NDST4: variants seen among roughly 807,000 people sequenced by gnomAD.
NDST4 encodes the protein N-heparan sulfate sulfotransferase 4.
A neutral mutation model predicts 100.8 loss-of-function variants in NDST4; 63 were observed. That is an observed-to-expected ratio of 0.62 (90% CI 0.51 to 0.77). The LOEUF (loss-of-function observed/expected upper bound fraction) is 0.77. NDST4 is among the 30% of genes least tolerant of loss of function. The pLI is 0.00. For missense variants in NDST4, 943 were observed against 1,018.4 expected, an observed-to-expected ratio of 0.93 and a Z score of 1.01; for synonymous variants, 377 against 361.8, an observed-to-expected ratio of 1.04 and a Z score of -0.48.
chr4:114,834,342 T>C (rs570146366), intron 11 of NDST4, among the ~76,000 whole-genome samples: 1 of 151,932 alleles, frequency 6.6e-6, no homozygotes, highest in African/African-American at 2.4e-5. Flanking sequence ...GGTGAAACCC[T>C]GTCTCTACTA....
intron 6 of NDST4, among the ~76,000 whole-genome samples, chr4:114,886,988 G>A (rs530987592): frequency 6.6e-6 from 1 of 152,162 alleles, no homozygotes; most frequent in Admixed American, 6.5e-5. Flanking sequence ...GAATTATCTA[G>A]CAGATATACC....
At chr4:114,974,676 A>T (rs1043891176) in intron 3 of NDST4, among the ~76,000 whole-genome samples, 1 of 152,164 alleles carries the variant, frequency 6.6e-6, no homozygotes, top group East Asian at 1.9e-4. Context: ...TTCCCATTTA[A>T]CCTGCACTAC....
chr4:114,988,492 G>C (rs1258701981), intron 2 of NDST4, among the ~76,000 whole-genome samples: 1 of 150,806 alleles, frequency 6.6e-6, no homozygotes, highest in Non-Finnish European at 1.5e-5. Context: ...CTCCCAAGTA[G>C]CTGGGACTAC....
chr4:114,889,111 T>A (rs75121635), intron 6 of NDST4, among the ~76,000 whole-genome samples: 1 of 152,164 alleles, frequency 6.6e-6, no homozygotes, highest in Non-Finnish European at 1.5e-5. Context: ...TATACACATA[T>A]GTATTTCCAA....
chr4:115,002,301 T>C (rs1673294369), intron 2 of NDST4, among the ~76,000 whole-genome samples: 1 of 152,200 alleles, frequency 6.6e-6, no homozygotes, highest in African/African-American at 2.4e-5. Context: ...ATGTCTTCTT[T>C]TGAGAATTGT....
At chr4:114,948,279 C>T (rs965459721) in intron 4 of NDST4, among the ~76,000 whole-genome samples, 1 of 151,360 alleles carries the variant, frequency 6.6e-6, no homozygotes. Flanking sequence ...TTCCCTCCCC[C>T]ACCCCCCAAA....
chr4:114,951,825 A>T (rs1214730635), intron 4 of NDST4, among the ~76,000 whole-genome samples: 1 of 152,128 alleles, frequency 6.6e-6, no homozygotes, highest in Non-Finnish European at 1.5e-5. Flanking sequence ...TCACACAGGG[A>T]GGAGCCTTTA....
intron 4 of NDST4, among the ~76,000 whole-genome samples, chr4:114,941,343 C>A (rs1055847966): frequency 1.6e-4 from 25 of 151,956 alleles, no homozygotes; most frequent in African/African-American, 6.0e-4. Flanking sequence ...CCCCTCCCCT[C>A]CCCTCCCCAA....
At chr4:114,927,389 G>T (rs1163515220) in intron 6 of NDST4, among the ~76,000 whole-genome samples, 1 of 151,754 alleles carries the variant, frequency 6.6e-6, no homozygotes, top group Non-Finnish European at 1.5e-5. Flanking sequence ...TCAACAACAG[G>T]GAACTTAATA....
At chr4:114,831,734 C>G (rs1442500993) in intron 12 of NDST4, among the ~76,000 whole-genome samples, 2 of 152,168 alleles carry the variant, frequency 1.3e-5, no homozygotes, top group Non-Finnish European at 2.9e-5. Flanking sequence ...ATAGGGTTGT[C>G]ATAACCTTGA....
intron 8 of NDST4, 95 bp downstream of exon 8, chr4:114,852,630 C>T: frequency 2.9e-6 from 2 of 679,146 alleles, no homozygotes; most frequent in Non-Finnish European, 4.9e-6. Context: ...CTAAATATTT[C>T]ACAAAGAAAA....
intron 4 of NDST4, among the ~76,000 whole-genome samples, chr4:114,956,984 T>A (rs1199393828): frequency 6.6e-6 from 1 of 152,064 alleles, no homozygotes; most frequent in African/African-American, 2.4e-5. Context: ...GTGCCAGACA[T>A]AGAAGACAAA....
chr4:115,011,429 AC>A (rs1457081325), intron 2 of NDST4, among the ~76,000 whole-genome samples: 4 of 151,550 alleles, frequency 2.6e-5, no homozygotes, highest in African/African-American at 9.7e-5. Flanking sequence ...TTCTACTTTT[AC>A]AATGGAGTTT....
intron 2 of NDST4, among the ~76,000 whole-genome samples, chr4:115,006,166 C>T (rs970506201): frequency 1.3e-5 from 2 of 150,382 alleles, no homozygotes; most frequent in Admixed American, 6.6e-5. Flanking sequence ...AAAGACAACA[C>T]AAAACATACA....
intron 2 of NDST4, among the ~76,000 whole-genome samples, chr4:115,064,080 C>A (rs1036918796): frequency 6.6e-6 from 1 of 151,830 alleles, no homozygotes; most frequent in Admixed American, 6.6e-5. Context: ...TAGGCAATGT[C>A]CAATTTTTAA....
At chr4:114,867,665 C>CAAAAAAAAAAAAAA in intron 7 of NDST4, among the ~76,000 whole-genome samples, 17 of 79,884 alleles carry the variant, frequency 2.1e-4, no homozygotes, top group East Asian at 4.0e-4. Context: ...AAAAAAAAAG[C>CAAAAAAAAAAAAAA]AAAAAAAAAA....
intron 2 of NDST4, among the ~76,000 whole-genome samples, chr4:114,981,447 C>G (rs974431748): frequency 1.3e-5 from 2 of 152,106 alleles, no homozygotes; most frequent in Non-Finnish European, 2.9e-5. Flanking sequence ...ATAATGCCTA[C>G]AAATGTGCAC....
intron 1 of NDST4, among the ~76,000 whole-genome samples, chr4:115,095,688 A>T (rs1186192172): frequency 1.3e-5 from 2 of 152,144 alleles, no homozygotes; most frequent in Non-Finnish European, 2.9e-5. Flanking sequence ...CATGCTTTTA[A>T]AAAAGTACTC....
At chr4:114,843,180 C>T (rs900609329) in intron 10 of NDST4, among the ~76,000 whole-genome samples, 3 of 152,104 alleles carry the variant, frequency 2.0e-5, no homozygotes, top group African/African-American at 7.2e-5. Context: ...ATACATATTT[C>T]GTTTTAGGCT....
Sources: gnomAD v4.1 joint callset for allele counts (sites outside exome capture counted in the v4.1 genomes callset) on GRCh38, gnomAD v4.1.1 for gene constraint, MANE v1.5 for transcripts, NCBI Gene and HGNC (gene_info 2026-07-23, HGNC 2026-07-21) for gene names.